Variants in PDE3B observed in about 807,000 individuals in gnomAD.
PDE3B encodes the protein phosphodiesterase 3B.
Under a neutral mutation model 116.8 loss-of-function variants are expected in PDE3B, and 66 were observed. The ratio of observed to expected loss-of-function variants is 0.56; its 90% CI spans 0.46 to 0.69. The LOEUF (loss-of-function observed/expected upper bound fraction) is 0.69, where lower values mean the gene tolerates loss of function less well. Among genes scored for constraint, PDE3B ranks in the 30% least tolerant of loss-of-function variants. The pLI is 0.00. For synonymous variants in PDE3B, 595 were observed against 533.6 expected (o/e 1.12, Z -1.59); for missense variants, 1,384 against 1,368.1 (o/e 1.01, Z -0.18).
Position 14,865,165 on chromosome 11 carries a change from C to G in PDE3B, c.2887-2341C>G, listed in dbSNP as rs561770124. 5.9e-5 allele frequency among the ~76,000 whole-genome samples: 9 copies of G among 152,174 alleles called. No individual in the cohort carries two copies. In the South Asian group the frequency reaches 1.9e-3, roughly 32 times the overall value. On this transcript the variant is annotated intron_variant, in intron 14 of 15. Transcript: ENST00000282096. ...GATAAAGGGGAAATCACCACTGATC[C>G]CACAGAAATACAAACTACTATCAGA...
intron 1 of PDE3B, among the ~76,000 whole-genome samples, chr11:14,769,323 A>G (rs1857574556): frequency 6.6e-6 from 1 of 151,382 alleles, no homozygotes; most frequent in South Asian, 2.1e-4. Context: ...AAAATGCTAC[A>G]GTAGAGAGAT....
chr11:14,892,681 A>C, the PDE3B span, among the ~76,000 whole-genome samples: 1 of 152,232 alleles, frequency 6.6e-6, no homozygotes, highest in African/African-American at 2.4e-5. Flanking sequence ...TTTCCAGTAG[A>C]AAATTGACCC....
intron 12 of PDE3B, among the ~76,000 whole-genome samples, chr11:14,851,648 C>T (rs1035908884): frequency 6.6e-6 from 1 of 152,146 alleles, no homozygotes; most frequent in Admixed American, 6.6e-5. Context: ...AGTAGTTGCC[C>T]ACTTTCTAAG....
At chr11:14,879,318 G>A in the PDE3B span, 1 of 1,612,928 alleles carries the variant, frequency 6.2e-7, no homozygotes, top group Admixed American at 1.7e-5. Context: ...ATCCCTAATG[G>A]AACTATATTA....
At chr11:14,764,957 T>G (rs1029246524) in intron 1 of PDE3B, among the ~76,000 whole-genome samples, 1 of 151,934 alleles carries the variant, frequency 6.6e-6, no homozygotes, top group Non-Finnish European at 1.5e-5. Flanking sequence ...TCTTTGCACT[T>G]TAAACAATTA....
intron 1 of PDE3B, among the ~76,000 whole-genome samples, chr11:14,722,226 G>T (rs953484564): frequency 2.0e-5 from 3 of 151,510 alleles, no homozygotes; most frequent in African/African-American, 7.3e-5. Context: ...CGAGTTAATG[G>T]GTGCAGCACA....
intron 1 of PDE3B, among the ~76,000 whole-genome samples, chr11:14,675,306 C>T (rs1854499461): frequency 6.6e-6 from 1 of 151,932 alleles, no homozygotes; most frequent in Non-Finnish European, 1.5e-5. Context: ...TCTTTGGGGT[C>T]GTTCCTTTAT....
chr11:14,848,443 C>G (rs1847662015), intron 12 of PDE3B, among the ~76,000 whole-genome samples: 2 of 151,166 alleles, frequency 1.3e-5, no homozygotes, highest in Admixed American at 1.3e-4. Context: ...CAGGGATGCC[C>G]TCTCTCACCA....
chr11:14,835,133 G>T, intron 11 of PDE3B, 38 bp downstream of exon 11: 1 of 1,289,474 alleles, frequency 7.8e-7, no homozygotes, highest in East Asian at 2.3e-5. Flanking sequence ...ATTTTGATCA[G>T]GAATAGTAAA....
intron 2 of PDE3B, chr11:14,773,718 A>G (rs145002153): frequency 8.2e-4 from 125 of 152,152 alleles, no homozygotes; most frequent in African/African-American, 2.7e-3. Flanking sequence ...GTGTTTTTCT[A>G]GGAATTCCTT....
chr11:14,732,880 C>A (rs1856498223), intron 1 of PDE3B, among the ~76,000 whole-genome samples: 1 of 152,116 alleles, frequency 6.6e-6, no homozygotes, highest in South Asian at 2.1e-4. Flanking sequence ...AGCATATAAA[C>A]CTGTTTTGTT....
At chr11:14,848,660 T>C (rs1389917549) in intron 12 of PDE3B, among the ~76,000 whole-genome samples, 2 of 152,146 alleles carry the variant, frequency 1.3e-5, no homozygotes, top group African/African-American at 4.8e-5. Flanking sequence ...ACAAAATCAA[T>C]GTACAGAAAT....
intron 1 of PDE3B, among the ~76,000 whole-genome samples, chr11:14,712,316 C>A (rs1372064624): frequency 6.6e-6 from 1 of 152,076 alleles, no homozygotes; most frequent in African/African-American, 2.4e-5. Context: ...AACTCCTGGC[C>A]TCAAGCAATT....
chr11:14,739,665 A>G (rs1309544953), intron 1 of PDE3B, among the ~76,000 whole-genome samples: 2 of 152,194 alleles, frequency 1.3e-5, no homozygotes, highest in African/African-American at 2.4e-5. Context: ...GAGAGAGGGC[A>G]TCCTTGTCTT....
chr11:14,705,603 C>G (rs1855508218), intron 1 of PDE3B, among the ~76,000 whole-genome samples: 1 of 151,734 alleles, frequency 6.6e-6, no homozygotes, highest in Non-Finnish European at 1.5e-5. Flanking sequence ...AATAATCAAA[C>G]TGCACATTTT....
intron 12 of PDE3B, among the ~76,000 whole-genome samples, chr11:14,856,474 TCTG>T (rs1319662359): frequency 6.6e-6 from 1 of 152,202 alleles, no homozygotes; most frequent in Non-Finnish European, 1.5e-5. Flanking sequence ...ACCTTATTTA[TCTG>T]CTATCTCTCT....
At chr11:14,665,413 G>A (rs546530423) in intron 1 of PDE3B, among the ~76,000 whole-genome samples, 3 of 152,276 alleles carry the variant, frequency 2.0e-5, no homozygotes, top group African/African-American at 7.2e-5. Flanking sequence ...GGAAGTTCTA[G>A]CCAGGGCAAT....
chr11:14,721,589 C>A (rs958475686), intron 1 of PDE3B, among the ~76,000 whole-genome samples: 3 of 150,386 alleles, frequency 2.0e-5, no homozygotes, highest in African/African-American at 7.4e-5. Flanking sequence ...GAATACTATG[C>A]AGCCATAAAA....
At chr11:14,897,234 A>T in the PDE3B span, among the ~76,000 whole-genome samples, 1 of 152,246 alleles carries the variant, frequency 6.6e-6, no homozygotes, top group African/African-American at 2.4e-5. Flanking sequence ...ACAGAAAAAA[A>T]ATTCCTAGAA....
Sources: gnomAD v4.1 joint callset for allele counts (sites outside exome capture counted in the v4.1 genomes callset) on GRCh38, gnomAD v4.1.1 for gene constraint, MANE v1.5 for transcripts, NCBI Gene and HGNC (gene_info 2026-07-23, HGNC 2026-07-21) for gene names.